The following MIR2052HG variants were observed in gnomAD, a reference collection of about 807,000 sequenced individuals.
MIR2052HG encodes the protein MIR2052 host gene.
At chr8:74,701,044 T>C (rs900430825) in intron 2 of MIR2052HG, among the ~76,000 whole-genome samples, 1 of 152,164 alleles carries the variant, frequency 6.6e-6, no homozygotes, top group African/African-American at 2.4e-5. Context: ...AGCACTTTTC[T>C]CCTGTACCTT....
At chr8:74,680,348 A>G (rs1381048490) in intron 2 of MIR2052HG, among the ~76,000 whole-genome samples, 1 of 151,886 alleles carries the variant, frequency 6.6e-6, no homozygotes, top group African/African-American at 2.4e-5. Flanking sequence ...GTCACAATGA[A>G]CTCAAACAAA....
At chr8:74,671,673 G>A (rs1808994158) in intron 2 of MIR2052HG, among the ~76,000 whole-genome samples, 1 of 152,098 alleles carries the variant, frequency 6.6e-6, no homozygotes, top group African/African-American at 2.4e-5. Flanking sequence ...GAAAATGAGA[G>A]AGCTATTCAA....
rs933363698 is a variant in MIR2052HG, at chr8:74,634,518, AT to A, written n.216+21587del. On this transcript the variant is annotated intron_variant and non_coding_transcript_variant, in intron 2 of 6. Transcript: ENST00000523442. Reference sequence around the variant, plus strand: ...CATTCTTAATACATTTTCACCTTAAATTTTTTTTTGAGTTTTACTATCGTTT... The same window carrying A: ...CATTCTTAATACATTTTCACCTTAAATTTTTTTTGAGTTTTACTATCGTTT... Among the ~76,000 whole-genome samples the A allele has an allele frequency of 2.4e-3, 371 of 151,692 alleles. 1 individual carries two copies. Among genetic ancestry groups the A allele is most frequent in the African/African-American group, 8.3e-3 (342 of 41,328 alleles).
intron 1 of MIR2052HG, among the ~76,000 whole-genome samples, chr8:74,602,880 C>CTTTCTTTCTTTTCTT (rs1808042817): frequency 7.4e-5 from 1 of 13,542 alleles, no homozygotes; most frequent in Admixed American, 5.9e-4. Context: ...TTTCTTTTTT[C>CTTTCTTTCTTTTCTT]TATTCACAAA....
At chr8:74,712,527 G>C (rs1468137374) in intron 4 of MIR2052HG, among the ~76,000 whole-genome samples, 2 of 152,104 alleles carry the variant, frequency 1.3e-5, no homozygotes, top group African/African-American at 4.8e-5. Context: ...CAGCAGACCA[G>C]GGAATTAAAG....
At chr8:74,610,060 A>G (rs1446218454) in intron 1 of MIR2052HG, 1 of 151,912 alleles carries the variant, frequency 6.6e-6, no homozygotes, top group Non-Finnish European at 1.5e-5. Flanking sequence ...AAAAGAAAAA[A>G]TGTCTGAAAT....
intron 2 of MIR2052HG, among the ~76,000 whole-genome samples, chr8:74,678,420 G>C (rs774946940): frequency 1.3e-5 from 2 of 151,842 alleles, no homozygotes; most frequent in Non-Finnish European, 2.9e-5. Context: ...AAAATTAGCC[G>C]GGTGTAGTGG....
chr8:74,735,554 C>T (rs75424984), intron 4 of MIR2052HG, among the ~76,000 whole-genome samples: 1 of 152,154 alleles, frequency 6.6e-6, no homozygotes, highest in South Asian at 2.1e-4. Context: ...TCTCTCATAC[C>T]CTGCTGCTCA....
chr8:74,665,300 C>G (rs1222525750), intron 2 of MIR2052HG, among the ~76,000 whole-genome samples: 1 of 152,194 alleles, frequency 6.6e-6, no homozygotes, highest in African/African-American at 2.4e-5. Context: ...GAACTCGCAT[C>G]GATATGCTTG....
Position 74,679,953 on chromosome 8 carries a change from T to C in MIR2052HG, n.217-22426T>C, listed in dbSNP as rs75798128. 7.7e-3 allele frequency among the ~76,000 whole-genome samples: 1,169 copies of C among 152,284 alleles called. 5 individuals carry two copies. The highest frequency in any genetic ancestry group is 0.021 in the East Asian group (110 of 5,184). On this transcript the variant is annotated intron_variant and non_coding_transcript_variant, in intron 2 of 6. Transcript: ENST00000523442. Reference sequence around the variant, plus strand: ...CTATTTAGTGTTTTAATGTAGGTTCTACTAGCAAGACAAGAGGTAAACGTA... The same window carrying C: ...CTATTTAGTGTTTTAATGTAGGTTCCACTAGCAAGACAAGAGGTAAACGTA...
At chr8:74,642,020 G>A (rs1808643771) in intron 2 of MIR2052HG, among the ~76,000 whole-genome samples, 1 of 152,002 alleles carries the variant, frequency 6.6e-6, no homozygotes, top group African/African-American at 2.4e-5. Context: ...TGGGTGACTG[G>A]TGGTGTACTA....
At chr8:74,625,145 G>C (rs1341927545) in intron 2 of MIR2052HG, 1 of 152,078 alleles carries the variant, frequency 6.6e-6, no homozygotes, top group East Asian at 1.9e-4. Context: ...TGCAGTCTCA[G>C]ATTCCTGGGC....
At chr8:74,713,556 C>T (rs1586921184) in intron 4 of MIR2052HG, among the ~76,000 whole-genome samples, 1 of 151,812 alleles carries the variant, frequency 6.6e-6, no homozygotes, top group South Asian at 2.1e-4. Context: ...TTACTTCTCC[C>T]ATCTCTTCTC....
chr8:74,643,113 G>C (rs1180220534), intron 2 of MIR2052HG, among the ~76,000 whole-genome samples: 1 of 152,136 alleles, frequency 6.6e-6, no homozygotes, highest in Non-Finnish European at 1.5e-5. Context: ...TCTAAATTTT[G>C]TCAGAGCAGT....
At chr8:74,602,837 C>CTTTCTTTCTTTCTTTCTTTCT (rs1808030981) in intron 1 of MIR2052HG, among the ~76,000 whole-genome samples, 3 of 137,932 alleles carry the variant, frequency 2.2e-5, no homozygotes, top group Non-Finnish European at 3.1e-5. Context: ...TTCTTTCTTT[C>CTTTCTTTCTTTCTTTCTTTCT]TTTCTTTCTT....
chr8:74,708,242 A>G (rs1174173235), intron 4 of MIR2052HG, among the ~76,000 whole-genome samples: 1 of 152,250 alleles, frequency 6.6e-6, no homozygotes, highest in East Asian at 1.9e-4. Flanking sequence ...TCTGAATGGG[A>G]AAACCTTTGC....
intron 2 of MIR2052HG, among the ~76,000 whole-genome samples, chr8:74,619,625 A>G (rs1319287347): frequency 6.6e-6 from 1 of 152,204 alleles, no homozygotes; most frequent in African/African-American, 2.4e-5. Flanking sequence ...GGGAAATGCC[A>G]GACACTTATA....
intron 4 of MIR2052HG, among the ~76,000 whole-genome samples, chr8:74,748,566 G>A (rs1309674572): frequency 6.6e-6 from 1 of 152,030 alleles, no homozygotes; most frequent in Non-Finnish European, 1.5e-5. Context: ...ATGGCTTTTT[G>A]GATTCTAAGA....
intron 4 of MIR2052HG, among the ~76,000 whole-genome samples, chr8:74,717,570 C>T (rs1192989083): frequency 6.6e-6 from 1 of 152,072 alleles, no homozygotes; most frequent in Non-Finnish European, 1.5e-5. Flanking sequence ...GTAATCCCAG[C>T]ATTTTGGGAG....
Sources: allele counts gnomAD v4.1 joint callset (sites outside exome capture counted in the v4.1 genomes callset), GRCh38; gene constraint gnomAD v4.1.1; transcripts MANE v1.5; gene names NCBI Gene and HGNC (gene_info 2026-07-23, HGNC 2026-07-21).